The following CSMD1 variants were observed in gnomAD, a reference collection of about 807,000 sequenced individuals.
The protein encoded by CSMD1 is CUB and sushi domain-containing protein 1.
In CSMD1, 213 loss-of-function variants were observed where a neutral mutation model predicts 417.5. The observed-to-expected ratio is 0.51, with a 90% confidence interval of 0.46 to 0.57. The LOEUF (loss-of-function observed/expected upper bound fraction) is 0.57, where lower values mean the gene tolerates loss of function less well. CSMD1 is among the 20% of genes least tolerant of loss of function. The probability of loss-of-function intolerance (pLI) is 0.00; values close to 1 mark genes in which losing one functional copy is unlikely to be tolerated. For missense variants in CSMD1, 6,923 were observed against 4,529.7 expected, an observed-to-expected ratio of 1.53 and a Z score of -15.17; for synonymous variants, 2,862 against 1,736.8, an observed-to-expected ratio of 1.65 and a Z score of -16.11.
chr8:4,960,777 G>C (rs138398046), intron 1 of CSMD1, among the ~76,000 whole-genome samples: 2 of 151,994 alleles, frequency 1.3e-5, no homozygotes, highest in African/African-American at 2.4e-5. Context: ...TTACATCTAA[G>C]CAAGAACAGA....
At chr8:3,719,633 T>C (rs1296403644) in intron 6 of CSMD1, among the ~76,000 whole-genome samples, 1 of 152,144 alleles carries the variant, frequency 6.6e-6, no homozygotes, top group African/African-American at 2.4e-5. Context: ...CAGAGGAAAG[T>C]GCACTCTGGG....
intron 30 of CSMD1, among the ~76,000 whole-genome samples, chr8:3,206,742 C>T (rs955783803): frequency 6.6e-6 from 1 of 150,650 alleles, no homozygotes; most frequent in Non-Finnish European, 1.5e-5. Context: ...TAATTTTCCC[C>T]CAGTTATCTT....
At chr8:3,900,278 ACAGTGCAGCTGCGTGACACTGTAGCTGGG>A (rs1179638088) in intron 5 of CSMD1, among the ~76,000 whole-genome samples, 6 of 149,046 alleles carry the variant, frequency 4.0e-5, no homozygotes, top group African/African-American at 1.3e-4. Flanking sequence ...CAGCTGCGTG[ACAGTGCAGCTGCGTGACACTGTAGCTGGG>A]TGACAGTGCA....
intron 1 of CSMD1, among the ~76,000 whole-genome samples, chr8:4,868,978 A>G (rs1802578395): frequency 6.6e-6 from 1 of 151,984 alleles, no homozygotes; most frequent in Non-Finnish European, 1.5e-5. Flanking sequence ...ACATACAAAT[A>G]GAATAGATGA....
chr8:4,124,960 C>T (rs372632240), intron 3 of CSMD1, among the ~76,000 whole-genome samples: 8 of 152,280 alleles, frequency 5.3e-5, no homozygotes, highest in African/African-American at 7.2e-5. Flanking sequence ...CCTTCCACCT[C>T]TTGGAAGTTT....
Position 3,945,666 on chromosome 8 carries a change from G to C in CSMD1, c.818+52237C>G, listed in dbSNP as rs183618690. ...TAAGCCTGATGTATTATTTTACTTA[G>C]GTGAAATGACGACAGTCCAGATAGC... On this transcript the variant is annotated intron_variant, in intron 5 of 69. Transcript: ENST00000635120. Among the ~76,000 whole-genome samples the C allele has an allele frequency of 2.0e-5, 3 of 152,162 alleles. No homozygotes were observed. In the East Asian group the frequency reaches 5.8e-4, roughly 29 times the overall value.
intron 1 of CSMD1, among the ~76,000 whole-genome samples, chr8:4,807,511 C>A (rs1039602096): frequency 6.6e-6 from 1 of 152,100 alleles, no homozygotes; most frequent in Non-Finnish European, 1.5e-5. Context: ...TCACCTAAAC[C>A]CCAGACAAAC....
intron 7 of CSMD1, among the ~76,000 whole-genome samples, chr8:3,629,399 T>A (rs976050814): frequency 6.6e-6 from 1 of 152,194 alleles, no homozygotes; most frequent in Admixed American, 6.5e-5. Context: ...TAGTTATTGT[T>A]GGAAATTTTA....
At chr8:4,423,717 T>C (rs1310593328) in intron 2 of CSMD1, among the ~76,000 whole-genome samples, 2 of 146,198 alleles carry the variant, frequency 1.4e-5, no homozygotes, top group Admixed American at 7.1e-5. Context: ...CTAAAATTTA[T>C]GTGGGAAGGC....
At chr8:3,829,913 G>A (rs918150130) in intron 5 of CSMD1, among the ~76,000 whole-genome samples, 2 of 152,080 alleles carry the variant, frequency 1.3e-5, no homozygotes, top group African/African-American at 4.8e-5. Flanking sequence ...TTGGGAAAAT[G>A]AAGGCTTTTC....
At chr8:4,174,682 A>C (rs1001306234) in intron 3 of CSMD1, among the ~76,000 whole-genome samples, 11 of 133,276 alleles carry the variant, frequency 8.3e-5, no homozygotes, top group Non-Finnish European at 1.6e-4. Flanking sequence ...AACATGCTCA[A>C]AGAAAAAAGG....
intron 2 of CSMD1, among the ~76,000 whole-genome samples, chr8:4,456,777 A>T (rs894138090): frequency 2.0e-5 from 3 of 152,036 alleles, no homozygotes; most frequent in Non-Finnish European, 4.4e-5. Context: ...CCCATCTGAC[A>T]ACCTACGAGG....
intron 2 of CSMD1, among the ~76,000 whole-genome samples, chr8:4,432,378 T>A (rs1467763876): frequency 6.6e-6 from 1 of 152,152 alleles, no homozygotes; most frequent in Non-Finnish European, 1.5e-5. Flanking sequence ...ACTTAGTGAT[T>A]AACCTACACT....
intron 67 of CSMD1, 40 bp from the exon 68 acceptor site, chr8:2,949,426 T>C (rs752253287): frequency 9.4e-7 from 1 of 1,066,338 alleles, no homozygotes; most frequent in East Asian, 2.4e-5. Flanking sequence ...TAAAAAGGTA[T>C]ACGAAGGGAT....
In CSMD1 at chr8:4,924,720, C is replaced by T. The variant is rs550631216; in HGVS notation, c.85+69612G>A. On this transcript the variant is annotated intron_variant, in intron 1 of 69. Coordinates refer to ENST00000635120, the MANE Select transcript of CSMD1 (RefSeq NM_033225.6). ...CTGGGAGACAAGAATGAAACTCCAT[C>T]TCAAAAAAAAAAAAAAAAAAAAAAA... Among the ~76,000 whole-genome samples the T allele has an allele frequency of 5.0e-4, 9 of 18,092 alleles. No individual in the cohort carries two copies. In the Admixed American group the frequency reaches 8.2e-3, roughly 17 times the overall value. The allele number at this position is 18,092 out of a possible 152,430, so 11.9% of individuals were successfully genotyped here.
At chr8:4,168,575 G>C (rs1318301728) in intron 3 of CSMD1, among the ~76,000 whole-genome samples, 1 of 151,970 alleles carries the variant, frequency 6.6e-6, no homozygotes, top group Non-Finnish European at 1.5e-5. Context: ...AAGGACAATA[G>C]ACGGGCTTTG....
At chr8:4,885,597 G>A (rs753732366) in intron 1 of CSMD1, among the ~76,000 whole-genome samples, 24 of 151,868 alleles carry the variant, frequency 1.6e-4, no homozygotes, top group Non-Finnish European at 3.2e-4. Flanking sequence ...GGTGGCTTTT[G>A]TCCTTTATCC....
intron 26 of CSMD1, among the ~76,000 whole-genome samples, chr8:3,280,960 A>C (rs909415862): frequency 6.6e-6 from 1 of 152,208 alleles, no homozygotes; most frequent in Non-Finnish European, 1.5e-5. Flanking sequence ...TAAAACAGGA[A>C]GATTTTAAAA....
intron 3 of CSMD1, among the ~76,000 whole-genome samples, chr8:4,357,053 G>A (rs1000609458): frequency 2.0e-5 from 3 of 152,188 alleles, no homozygotes; most frequent in South Asian, 2.1e-4. Flanking sequence ...TTATTAAAAT[G>A]TATCTTTACT....
Sources: allele counts gnomAD v4.1 joint callset (sites outside exome capture counted in the v4.1 genomes callset), GRCh38; gene constraint gnomAD v4.1.1; transcripts MANE v1.5; gene names NCBI Gene and HGNC (gene_info 2026-07-23, HGNC 2026-07-21).